FHOD3: variants seen among roughly 807,000 people sequenced by gnomAD.
The protein encoded by FHOD3 is formin homology 2 domain containing 3, also known as FH1/FH2 domain-containing protein 3.
In FHOD3, 90 loss-of-function variants were observed where a neutral mutation model predicts 173.0. The observed-to-expected ratio is 0.52, with a 90% CI of 0.44 to 0.62. The LOEUF (loss-of-function observed/expected upper bound fraction) is 0.62, where lower values mean the gene tolerates loss of function less well. FHOD3 is among the 20% of genes least tolerant of loss of function. The pLI, the probability that FHOD3 is intolerant of heterozygous loss-of-function variation, is 0.00. For missense variants in FHOD3, 1,945 were observed against 2,034.7 expected (o/e 0.96, Z 0.85); for synonymous variants, 828 against 823.0 (o/e 1.01, Z -0.10).
intron 6 of FHOD3, among the ~76,000 whole-genome samples, chr18:36,593,204 C>T (rs1275092980): frequency 1.3e-5 from 2 of 152,240 alleles, no homozygotes; most frequent in Admixed American, 6.5e-5. Flanking sequence ...GGATTTGATA[C>T]CATGGAGGCC....
chr18:36,533,028 G>T (rs143686460), intron 5 of FHOD3, among the ~76,000 whole-genome samples: 24 of 152,306 alleles, frequency 1.6e-4, no homozygotes, highest in African/African-American at 5.3e-4. Flanking sequence ...AAGGATCCAG[G>T]TGAAGCTGAG....
At chr18:36,413,661 A>C (rs1335170658) in intron 3 of FHOD3, among the ~76,000 whole-genome samples, 1 of 152,218 alleles carries the variant, frequency 6.6e-6, no homozygotes, top group Admixed American at 6.5e-5. Flanking sequence ...GCTAAGGGAC[A>C]CTTAGAGTTA....
At chr18:36,308,809 G>A (rs938622084) in intron 1 of FHOD3, among the ~76,000 whole-genome samples, 2 of 152,172 alleles carry the variant, frequency 1.3e-5, no homozygotes, top group African/African-American at 4.8e-5. Context: ...AATGGAAAAA[G>A]TGCAACATAT....
intron 13 of FHOD3, among the ~76,000 whole-genome samples, chr18:36,657,626 T>C (rs1171691247): frequency 1.3e-5 from 2 of 152,216 alleles, no homozygotes; most frequent in African/African-American, 2.4e-5. Context: ...GATATGGAAA[T>C]ACTAAAGTGG....
At chr18:36,393,162 G>A (rs552910806) in intron 3 of FHOD3, among the ~76,000 whole-genome samples, 2 of 152,368 alleles carry the variant, frequency 1.3e-5, no homozygotes, top group South Asian at 4.1e-4. Flanking sequence ...TTCTGGGACG[G>A]CTGCAGGGCA....
At chr18:36,406,033 G>T (rs2049037855) in intron 3 of FHOD3, among the ~76,000 whole-genome samples, 1 of 151,680 alleles carries the variant, frequency 6.6e-6, no homozygotes, top group Non-Finnish European at 1.5e-5. Flanking sequence ...TGTGGACTTT[G>T]ATGAGCTTTG....
chr18:36,414,776 C>T (rs537662855), intron 3 of FHOD3, among the ~76,000 whole-genome samples: 208 of 152,246 alleles, frequency 1.4e-3, no homozygotes, highest in Non-Finnish European at 2.3e-3. Context: ...TCACAGCCTG[C>T]CAGACAGGTG....
At position 36,512,533 on chromosome 18, in the gene FHOD3, C is replaced by T. The variant is rs1313999670; in HGVS notation, c.501C>T (p.Tyr167=). The T allele has an allele frequency of 4.3e-6, 7 of 1,612,996 alleles. No individual in the cohort carries two copies. The highest frequency in any genetic ancestry group is 1.7e-5 in the Admixed American group (1 of 59,974). Residue 167 remains tyrosine, a synonymous_variant, in exon 5 of 29, where the codon TAC becomes TAT. Coordinates refer to ENST00000590592, the MANE Select transcript of FHOD3 (RefSeq NM_001281740.3). ...GAEADQNYQN[Y]ILRALGQIML... ...AGGCTGATCAGAACTATCAGAACTA[C>T]ATCTTAAGGGGTAAGTCATGACTGG...
At chr18:36,724,215 C>G (rs1176102462) in intron 19 of FHOD3, among the ~76,000 whole-genome samples, 1 of 152,276 alleles carries the variant, frequency 6.6e-6, no homozygotes, top group East Asian at 1.9e-4. Context: ...AAGGATCCAC[C>G]TGGGTAGACT....
intron 9 of FHOD3, among the ~76,000 whole-genome samples, chr18:36,623,013 C>T (rs2148764450): frequency 6.6e-6 from 1 of 152,306 alleles, no homozygotes; most frequent in Non-Finnish European, 1.5e-5. Context: ...CCCATTTGCT[C>T]CCTCCATGCA....
chr18:36,639,474 C>T (rs977186757), intron 10 of FHOD3, among the ~76,000 whole-genome samples: 7 of 152,100 alleles, frequency 4.6e-5, no homozygotes, highest in Admixed American at 2.0e-4. Context: ...AGATCAAGAC[C>T]ATGGTGAAAC....
intron 5 of FHOD3, among the ~76,000 whole-genome samples, chr18:36,526,520 C>T (rs2056522917): frequency 6.6e-6 from 1 of 151,990 alleles, no homozygotes; most frequent in African/African-American, 2.4e-5. Context: ...CCGCCTCCTG[C>T]GTTCCAGCGA....
rs532229815 is a variant in FHOD3 at position 36,356,206 on chromosome 18, G to A, written c.272+561G>A. Among the ~76,000 whole-genome samples the A allele has an allele frequency of 9.2e-5, 14 of 152,358 alleles. No individual in the cohort carries two copies. The South Asian group carries it at 2.5e-3, about 27-fold the overall frequency. On this transcript the variant is annotated intron_variant, in intron 2 of 28. Transcript: ENST00000590592. ...GGATAGTTTCTTAGCAGATGCTATA[G>A]TAGATAGTTTTATACGGTATCATCT...
intron 5 of FHOD3, among the ~76,000 whole-genome samples, chr18:36,548,195 A>G (rs913128358): frequency 6.6e-6 from 1 of 152,076 alleles, no homozygotes; most frequent in Admixed American, 6.5e-5. Context: ...ATGTCTCAAA[A>G]ACAAAAAAAA....
At position 36,562,616 on chromosome 18, in the gene FHOD3, C is replaced by T. The variant is rs1342696510; in HGVS notation, c.512-13835C>T. ...CTACTTCGTACCTATCCACAGTTCT[C>T]TGCCTCATTGGAGAGCAGGACGTGG... On this transcript the variant is annotated intron_variant, in intron 5 of 28. Transcript: ENST00000590592. 3.3e-5 allele frequency among the ~76,000 whole-genome samples: 5 copies of T among 152,312 alleles called. No homozygotes were observed. In the South Asian group the frequency reaches 8.3e-4, roughly 25 times the overall value.
intron 5 of FHOD3, among the ~76,000 whole-genome samples, chr18:36,541,249 C>CAAAAAAAAAAAAAAAAAAAAAA (rs770104487): frequency 2.5e-5 from 1 of 40,354 alleles, no homozygotes; most frequent in Non-Finnish European, 5.2e-5. Flanking sequence ...GACTCTGTCT[C>CAAAAAAAAAAAAAAAAAAAAAA]AAAAAAAAAA....
intron 21 of FHOD3, among the ~76,000 whole-genome samples, chr18:36,741,949 G>C (rs991110596): frequency 2.6e-5 from 4 of 152,070 alleles, no homozygotes; most frequent in Admixed American, 2.0e-4. Flanking sequence ...GGATTGCTGA[G>C]GTGACTGCTA....
chr18:36,773,591 G>A (rs2043492983), intron 28 of FHOD3, among the ~76,000 whole-genome samples: 1 of 152,186 alleles, frequency 6.6e-6, no homozygotes, highest in South Asian at 2.1e-4. Flanking sequence ...CCAGCTTCCT[G>A]GGACGGTTGT....
At chr18:36,652,489 T>G in intron 11 of FHOD3, 81 bp from the exon 12 acceptor site, 1 of 1,438,014 alleles carries the variant, frequency 7.0e-7, no homozygotes, top group Non-Finnish European at 9.1e-7. Flanking sequence ...GCTTTTTGCC[T>G]GTCTCTCTTT....
Sources: gnomAD v4.1 joint callset for allele counts (sites outside exome capture counted in the v4.1 genomes callset) on GRCh38, gnomAD v4.1.1 for gene constraint, MANE v1.5 for transcripts, NCBI Gene and HGNC (gene_info 2026-07-23, HGNC 2026-07-21) for gene names.